CORO2B: variants seen among roughly 807,000 people sequenced by gnomAD.
CORO2B encodes the protein coronin 2B.
Under a neutral mutation model 58.8 loss-of-function variants are expected in CORO2B, and 26 were observed. The observed-to-expected ratio is 0.44, with a 90% CI of 0.32 to 0.61. CORO2B has a LOEUF of 0.61. Ranked by LOEUF, CORO2B falls within the 20% of genes least tolerant of loss-of-function variation. The pLI, the probability that CORO2B is intolerant of heterozygous loss-of-function variation, is 0.04. For missense variants in CORO2B, 460 were observed against 645.1 expected (o/e 0.71, Z 3.11); for synonymous variants, 242 against 253.8 (o/e 0.95, Z 0.44).
chr15:68,707,739 G>C (rs1892816161), intron 3 of CORO2B, among the ~76,000 whole-genome samples: 1 of 152,204 alleles, frequency 6.6e-6, no homozygotes, highest in Non-Finnish European at 1.5e-5. Context: ...TAGTCTCCCA[G>C]CTTCAGGGTC....
rs565759123 is a variant in CORO2B, at chr15:68,715,360, G to T, written c.967+49G>T. 3 of 1,358,444 alleles carry T rather than the reference G, an allele frequency of 2.2e-6. No homozygotes were observed. In the South Asian group the frequency reaches 3.5e-5, roughly 16 times the overall value. 84.1% of individuals were successfully genotyped at this position (1,358,444 alleles called of 1,614,324 possible). A position where few individuals can be genotyped will look rare whatever the true frequency, so the allele number is the denominator to read the frequency against. Reference sequence around the variant, plus strand: ...AGCTGGTGTGCTCATGGCACGGGAGGACATCTGGCCCATGGGTCACCCCCT... The same window carrying T: ...AGCTGGTGTGCTCATGGCACGGGAGTACATCTGGCCCATGGGTCACCCCCT... On this transcript the variant is annotated intron_variant, in intron 8 of 11. Coordinates refer to ENST00000261861, the MANE Select transcript of CORO2B (RefSeq NM_006091.5).
the CORO2B span, among the ~76,000 whole-genome samples, chr15:68,562,862 A>C: frequency 6.6e-6 from 1 of 151,830 alleles, no homozygotes; most frequent in East Asian, 1.9e-4. Context: ...CGGTAGAACC[A>C]GCTACTCGGG....
At chr15:68,601,662 G>A (rs561397971) in intron 1 of CORO2B, among the ~76,000 whole-genome samples, 38 of 152,332 alleles carry the variant, frequency 2.5e-4, no homozygotes, top group East Asian at 5.8e-4. Flanking sequence ...GCTAGGAAGC[G>A]TGGCTGAGGT....
At chr15:68,541,619 A>G in the CORO2B span, among the ~76,000 whole-genome samples, 1 of 152,330 alleles carries the variant, frequency 6.6e-6, no homozygotes, top group Non-Finnish European at 1.5e-5. Context: ...ATCCCCAGCT[A>G]CTAAAACAAG....
chr15:68,558,250 G>A, the CORO2B span, among the ~76,000 whole-genome samples: 1 of 152,174 alleles, frequency 6.6e-6, no homozygotes, highest in African/African-American at 2.4e-5. Flanking sequence ...CTACATCCAA[G>A]CCCAGCTTCT....
At chr15:68,692,158 G>A (rs922314573) in intron 2 of CORO2B, among the ~76,000 whole-genome samples, 3 of 152,204 alleles carry the variant, frequency 2.0e-5, no homozygotes, top group Non-Finnish European at 4.4e-5. Context: ...TCAGCTGCTT[G>A]ACCTTGGGCA....
At chr15:68,699,430 G>C (rs943365210) in intron 3 of CORO2B, among the ~76,000 whole-genome samples, 1 of 152,158 alleles carries the variant, frequency 6.6e-6, no homozygotes, top group Admixed American at 6.5e-5. Flanking sequence ...GATACAGGTA[G>C]ATCAGTGGAG....
intron 1 of CORO2B, among the ~76,000 whole-genome samples, chr15:68,591,590 T>A (rs1381634532): frequency 6.6e-6 from 1 of 151,984 alleles, no homozygotes; most frequent in African/African-American, 2.4e-5. Flanking sequence ...GGCAGAGAGG[T>A]GAGTGGACAT....
intron 1 of CORO2B, among the ~76,000 whole-genome samples, chr15:68,606,767 C>T (rs1900134880): frequency 2.0e-5 from 3 of 152,106 alleles, no homozygotes; most frequent in Non-Finnish European, 1.5e-5. Context: ...AGTTATGTTT[C>T]CTCTGATATC....
At chr15:68,542,471 GT>G in the CORO2B span, among the ~76,000 whole-genome samples, 1 of 152,202 alleles carries the variant, frequency 6.6e-6, no homozygotes, top group Non-Finnish European at 1.5e-5. Context: ...TCTTTTCATT[GT>G]TTTTTGCTTT....
In CORO2B at chr15:68,590,185, G is replaced by A. The variant is rs555843692; in HGVS notation, c.15+10908G>A. On this transcript the variant is annotated intron_variant, in intron 1 of 11. Coordinates refer to ENST00000261861, the MANE Select transcript of CORO2B (RefSeq NM_006091.5). ...GGCTCAGAGGGAGGGAGAGTGGGTG[G>A]AGGGAAGGGGAGAGGGTACTCAGGA... Among the ~76,000 whole-genome samples the A allele has an allele frequency of 2.5e-3, 387 of 152,244 alleles. 2 individuals carry two copies. The highest frequency in any genetic ancestry group is 3.6e-3 in the Non-Finnish European group (243 of 68,010).
intron 1 of CORO2B, among the ~76,000 whole-genome samples, chr15:68,622,824 C>T (rs116209066): frequency 0.017 from 2,577 of 152,342 alleles, 72 homozygotes; most frequent in African/African-American, 0.058. Context: ...CCCTGTGAGG[C>T]AGGCAGAAGA....
the CORO2B span, among the ~76,000 whole-genome samples, chr15:68,539,963 G>T: frequency 1.5e-4 from 23 of 152,230 alleles, no homozygotes; most frequent in African/African-American, 5.3e-4. Flanking sequence ...TTACGCAAGC[G>T]TGCAGTTGAA....
intron 1 of CORO2B, among the ~76,000 whole-genome samples, chr15:68,596,922 G>A (rs1409841569): frequency 6.6e-6 from 1 of 152,166 alleles, no homozygotes; most frequent in Admixed American, 6.5e-5. Context: ...CCATCCTGTG[G>A]CTCTCCTCCT....
At chr15:68,579,582 C>G (rs1899373776) in intron 1 of CORO2B, among the ~76,000 whole-genome samples, 1 of 152,192 alleles carries the variant, frequency 6.6e-6, no homozygotes, top group Non-Finnish European at 1.5e-5. Context: ...CCCTGGAGAG[C>G]TGGGCTGGGC....
At chr15:68,711,006 T>C (rs933245749) in intron 4 of CORO2B, 125 bp downstream of exon 4, 10 of 910,674 alleles carry the variant, frequency 1.1e-5, no homozygotes, top group African/African-American at 1.7e-5. Flanking sequence ...CATTTGCTTA[T>C]TCATTCATTC....
intron 2 of CORO2B, among the ~76,000 whole-genome samples, chr15:68,666,106 C>T (rs1019729507): frequency 6.6e-6 from 1 of 152,162 alleles, no homozygotes; most frequent in East Asian, 1.9e-4. Flanking sequence ...AATCATTTAG[C>T]AGTGAACACC....
chr15:68,642,349 C>T, intron 1 of CORO2B, among the ~76,000 whole-genome samples: 1 of 152,176 alleles, frequency 6.6e-6, no homozygotes, highest in East Asian at 1.9e-4. Context: ...CAGGGAGAGC[C>T]TGCGGTGACG....
At chr15:68,641,067 G>C (rs938877774) in intron 1 of CORO2B, among the ~76,000 whole-genome samples, 1 of 152,096 alleles carries the variant, frequency 6.6e-6, no homozygotes, top group Non-Finnish European at 1.5e-5. Context: ...CCTTTCAAAG[G>C]CCCAGCAGAG....
Sources: gnomAD v4.1 joint callset for allele counts (sites outside exome capture counted in the v4.1 genomes callset) on GRCh38, gnomAD v4.1.1 for gene constraint, MANE v1.5 for transcripts, NCBI Gene and HGNC (gene_info 2026-07-23, HGNC 2026-07-21) for gene names.